The following HNRNPK variants were observed in gnomAD, a reference collection of about 807,000 sequenced individuals.
HNRNPK encodes the protein heterogeneous nuclear ribonucleoprotein K.
HNRNPK carries 7 observed loss-of-function variants against 67.0 expected under a neutral mutation model. The ratio of observed to expected loss-of-function variants is 0.10; its 90% CI spans 0.06 to 0.20. The LOEUF (loss-of-function observed/expected upper bound fraction) is 0.20, where lower values mean the gene tolerates loss of function less well. HNRNPK is among the 10% of genes least tolerant of loss of function. The pLI is 1.00. For synonymous variants in HNRNPK, 213 were observed against 193.7 expected (o/e 1.10, Z -0.83); for missense variants, 264 against 606.5 (o/e 0.44, Z 5.93).
rs112088787 is a variant in HNRNPK, at chr9:83,973,270, ATTT to A, written c.516+13_516+15del. On this transcript the variant is annotated intron_variant, in intron 9 of 16. Transcript: ENST00000376263. ...ACTTTCCAGCAAAGAATACGGCAGAATTTTTTTTTTTTTACCTCTCGAAGTTCT... is the reference window on the plus strand; with the variant it reads ...ACTTTCCAGCAAAGAATACGGCAGAATTTTTTTTTTACCTCTCGAAGTTCT... The A allele has an allele frequency of 1.0e-4, 126 of 1,233,294 alleles. 1 individual carries two copies. Among genetic ancestry groups the A allele is most frequent in the South Asian group, 5.6e-4 (44 of 78,064 alleles). The allele number at this position is 1,233,294 out of a possible 1,614,324, so 76.4% of individuals were successfully genotyped here. A position where few individuals can be genotyped will look rare whatever the true frequency, so the allele number is the denominator to read the frequency against.
Position 83,977,067 on chromosome 9 carries a change from A to G in HNRNPK, c.157-16T>C. 1 of 1,602,048 alleles carries G rather than the reference A, an allele frequency of 6.2e-7. No individual in the cohort carries two copies. The highest frequency in any genetic ancestry group is 1.3e-5 in the African/African-American group (1 of 74,718). ...CCCCAGCATTCTGGAGAAGATACAA[A>G]GACAAAAAATTATTTTGCCTTTCCC... On this transcript the variant is annotated splice_polypyrimidine_tract_variant and intron_variant, in intron 4 of 16. Coordinates refer to ENST00000376263, the MANE Select transcript of HNRNPK (RefSeq NM_031263.4).
At chr9:83,971,484 C>G in intron 12 of HNRNPK, 128 bp from the exon 13 acceptor site, 1 of 804,448 alleles carries the variant, frequency 1.2e-6, no homozygotes. Flanking sequence ...ATTTTGTAAT[C>G]GAGGGGAACA....
rs551299995 is a variant in HNRNPK, at chr9:83,969,719, G to A, written c.1362-279C>T. 17 of 633,528 alleles carry A rather than the reference G, an allele frequency of 2.7e-5. No homozygotes were observed. In the East Asian group the frequency reaches 3.5e-4, roughly 13 times the overall value. The allele number at this position is 633,528 out of a possible 1,614,324, so 39.2% of individuals were successfully genotyped here. A position where few individuals can be genotyped will look rare whatever the true frequency, so the allele number is the denominator to read the frequency against. ...AAAGAATGCTAGTAAGGTGTGAAAT[G>A]CTGCATTTTACAGCACCAATCATTT... On this transcript the variant is annotated intron_variant, in intron 16 of 16. Transcript: ENST00000376263.
chr9:83,977,146 GTTTGT>G, intron 4 of HNRNPK, 95 bp from the exon 5 acceptor site: 1 of 830,784 alleles, frequency 1.2e-6, no homozygotes, highest in African/African-American at 1.7e-5. Flanking sequence ...CCTCTAACCT[GTTTGT>G]TATAAGAATA....
intron 8 of HNRNPK, among the ~76,000 whole-genome samples, chr9:83,973,650 C>T (rs1956951285): frequency 2.0e-5 from 3 of 152,180 alleles, no homozygotes; most frequent in South Asian, 2.1e-4. Context: ...TTTAGCATGT[C>T]GCTGTTACCA....
chr9:83,971,187 C>G, intron 13 of HNRNPK, 86 bp downstream of exon 13: 1 of 950,764 alleles, frequency 1.1e-6, no homozygotes, highest in Non-Finnish European at 1.7e-6. Flanking sequence ...CAGTAAGTAT[C>G]CTCAGGGGAA....
In HNRNPK at chr9:83,968,247, CA is replaced by C. The variant is rs1277113815; in HGVS notation, c.*1159del. On this transcript the variant is annotated 3_prime_UTR_variant, in exon 17 of 17. Transcript: ENST00000376263. ...TCAATACAAATGCCAAGATACTACACAAAACATCCACAGGAACTTTTTTCAT... is the reference window on the plus strand; with the variant it reads ...TCAATACAAATGCCAAGATACTACACAAACATCCACAGGAACTTTTTTCAT... The C allele has an allele frequency of 6.6e-6, 1 of 152,134 alleles. No homozygotes were observed. The highest frequency in any genetic ancestry group is 6.6e-5 in the Admixed American group (1 of 15,228). The allele number at this position is 152,134 out of a possible 1,614,324, so 9.4% of individuals were successfully genotyped here.
In HNRNPK at chr9:83,969,015, A is replaced by T; in HGVS notation, c.*392T>A. On this transcript the variant is annotated 3_prime_UTR_variant, in exon 17 of 17. Transcript: ENST00000376263. Reference sequence around the variant, plus strand: ...TGCCAGGGACATGTGGACTATTGTTACTTTTCCTCCCTGTCCCACCCCCCA... The same window carrying T: ...TGCCAGGGACATGTGGACTATTGTTTCTTTTCCTCCCTGTCCCACCCCCCA... 3.0e-6 allele frequency: 1 copy of T among 335,520 alleles called. No individual in the cohort carries two copies. Among genetic ancestry groups the T allele is most frequent in the Non-Finnish European group, 5.5e-6 (1 of 183,014 alleles). 20.8% of individuals were successfully genotyped at this position (335,520 alleles called of 1,614,324 possible). A position where few individuals can be genotyped will look rare whatever the true frequency, so the allele number is the denominator to read the frequency against.
At chr9:83,979,679 AC>A (rs918928505) in intron 1 of HNRNPK, among the ~76,000 whole-genome samples, 5 of 147,234 alleles carry the variant, frequency 3.4e-5, no homozygotes, top group African/African-American at 1.0e-4. Context: ...CCGAGCGCCG[AC>A]CCCCTCCCCC....
At chr9:83,977,164 AATCT>A in intron 4 of HNRNPK, 113 bp from the exon 5 acceptor site, 1 of 750,922 alleles carries the variant, frequency 1.3e-6, no homozygotes, top group Non-Finnish European at 2.3e-6. Flanking sequence ...TAAGAATAAA[AATCT>A]ATTTGGGGTT....
rs1290953762 is a variant in HNRNPK at position 83,968,616 on chromosome 9, A to T, written c.*791T>A. On this transcript the variant is annotated 3_prime_UTR_variant, in exon 17 of 17. Coordinates refer to ENST00000376263, the MANE Select transcript of HNRNPK (RefSeq NM_031263.4). ...CCTTAGTTCTTCACAACTAACATAG[A>T]AAATTGTTGAAAAGTAGGGGCAAGC... is the stretch of plus-strand genomic sequence containing the variant. The T allele has an allele frequency of 6.6e-6, 1 of 152,634 alleles. No individual in the cohort carries two copies. The highest frequency in any genetic ancestry group is 1.5e-5 in the Non-Finnish European group (1 of 68,044). The allele number at this position is 152,634 out of a possible 1,614,324, so 9.5% of individuals were successfully genotyped here.
Position 83,968,889 on chromosome 9 carries a change from A to T in HNRNPK, c.*518T>A, listed in dbSNP as rs1449711754. 2 of 154,078 alleles carry T rather than the reference A, an allele frequency of 1.3e-5. No homozygotes were observed. The highest frequency in any genetic ancestry group is 2.9e-5 in the Non-Finnish European group (2 of 69,116). The allele number at this position is 154,078 out of a possible 1,614,324, so 9.5% of individuals were successfully genotyped here. The stretch of plus-strand genomic sequence containing the variant: ...ACCATTTTAAAATGACTGTCTTAAA[A>T]AAAAAATGACCACCAAAAATAGGTT... On this transcript the variant is annotated 3_prime_UTR_variant, in exon 17 of 17. Transcript: ENST00000376263.
chr9:83,975,924 T>C (rs1424426141), intron 5 of HNRNPK: 2 of 173,560 alleles, frequency 1.2e-5, no homozygotes, highest in African/African-American at 4.7e-5. Context: ...AAACGATGTT[T>C]CAGTAGCAGG....
intron 6 of HNRNPK, 56 bp from the exon 7 acceptor site, chr9:83,974,645 TTTTG>T: frequency 8.1e-7 from 1 of 1,236,280 alleles, no homozygotes; most frequent in Non-Finnish European, 1.2e-6. Flanking sequence ...GAAAAATGAG[TTTTG>T]TGTTTGTCAC....
At chr9:83,975,338 G>A in intron 6 of HNRNPK, 124 bp downstream of exon 6, 1 of 896,948 alleles carries the variant, frequency 1.1e-6, no homozygotes, top group Non-Finnish European at 1.8e-6. Context: ...GGGAAAATAA[G>A]ACAGAAACTT....
At chr9:83,977,554 C>CA in intron 4 of HNRNPK, 135 bp downstream of exon 4, 1 of 588,332 alleles carries the variant, frequency 1.7e-6, no homozygotes, top group Non-Finnish European at 3.0e-6. Flanking sequence ...CCAGAGCCTT[C>CA]AAGTCTGTTT....
intron 3 of HNRNPK, 41 bp from the exon 4 acceptor site, chr9:83,977,827 T>C: frequency 8.0e-7 from 1 of 1,250,556 alleles, no homozygotes; most frequent in South Asian, 1.2e-5. Flanking sequence ...AGCAGCGAAG[T>C]CTCCAAAGTA....
chr9:83,977,414 G>C (rs1466593381), intron 4 of HNRNPK, among the ~76,000 whole-genome samples: 2 of 152,086 alleles, frequency 1.3e-5, no homozygotes, highest in African/African-American at 2.4e-5. Flanking sequence ...GTTTCCTAAG[G>C]AGTCCACACA....
At chr9:83,971,621 T>G (rs1018508919) in intron 12 of HNRNPK, 51 bp downstream of exon 12, 14 of 1,433,984 alleles carry the variant, frequency 9.8e-6, no homozygotes, top group Non-Finnish European at 1.4e-5. Flanking sequence ...TGAACTACAT[T>G]GTGACAACCC....
Sources: allele counts gnomAD v4.1 joint callset (sites outside exome capture counted in the v4.1 genomes callset), GRCh38; gene constraint gnomAD v4.1.1; transcripts MANE v1.5; gene names NCBI Gene and HGNC (gene_info 2026-07-23, HGNC 2026-07-21).